The following NF1 variants were observed in gnomAD, a reference collection of about 807,000 sequenced individuals.
NF1 encodes neurofibromin 1.
NF1 carries 122 observed loss-of-function variants against 325.7 expected under a neutral mutation model. The observed-to-expected ratio is 0.37, with a 90% CI of 0.32 to 0.44. The LOEUF (loss-of-function observed/expected upper bound fraction) is 0.44. Ranked by LOEUF, NF1 falls within the 20% of genes least tolerant of loss-of-function variation. The probability of loss-of-function intolerance (pLI) is 1.00; values close to 1 mark genes in which losing one functional copy is unlikely to be tolerated. For synonymous variants in NF1, 1,091 were observed against 1,186.0 expected (o/e 0.92, Z 1.65); for missense variants, 2,140 against 3,415.4 (o/e 0.63, Z 9.31).
chr17:31,265,382 A>C (rs2151470499), intron 36 of NF1, 43 bp downstream of exon 36: 1 of 1,384,076 alleles, frequency 7.2e-7, no homozygotes, highest in Admixed American at 1.7e-5. Flanking sequence ...GAATTTTTTA[A>C]ATTATAGCAA....
At chr17:31,175,560 G>T (rs1405485162) in intron 5 of NF1, among the ~76,000 whole-genome samples, 2 of 152,098 alleles carry the variant, frequency 1.3e-5, no homozygotes, top group African/African-American at 2.4e-5. Context: ...AAGTTCTGGG[G>T]TACATGTGTA....
intron 36 of NF1, among the ~76,000 whole-genome samples, chr17:31,279,470 C>T (rs908892949): frequency 3.3e-5 from 5 of 151,614 alleles, no homozygotes; most frequent in African/African-American, 7.3e-5. Flanking sequence ...GGCTTTTTAG[C>T]GTAGACAGTT....
intron 1 of NF1, among the ~76,000 whole-genome samples, chr17:31,109,224 A>G (rs1267964058): frequency 6.6e-6 from 1 of 152,154 alleles, no homozygotes; most frequent in Admixed American, 6.5e-5. Flanking sequence ...TTCACTGACC[A>G]CATTTCTCTT....
intron 13 of NF1, among the ~76,000 whole-genome samples, chr17:31,217,519 A>G (rs2066840362): frequency 6.6e-6 from 1 of 151,562 alleles, no homozygotes; most frequent in Non-Finnish European, 1.5e-5. Context: ...TGGCCAGGCT[A>G]GTCTCGAACT....
At chr17:31,134,518 C>T (rs1187663845) in intron 1 of NF1, among the ~76,000 whole-genome samples, 1 of 152,184 alleles carries the variant, frequency 6.6e-6, no homozygotes, top group Non-Finnish European at 1.5e-5. Context: ...TTTTGTACAA[C>T]AAACATTTAT....
chr17:31,269,285 T>G (rs1246869408), intron 36 of NF1, among the ~76,000 whole-genome samples: 1 of 152,188 alleles, frequency 6.6e-6, no homozygotes, highest in East Asian at 1.9e-4. Context: ...AATTTTGGCC[T>G]AATGTACTTT....
intron 57 of NF1, chr17:31,367,356 T>G: frequency 2.1e-6 from 2 of 944,054 alleles, no homozygotes; most frequent in Admixed American, 2.4e-5. Flanking sequence ...CATGAGACTT[T>G]ACTCACCGGT....
intron 39 of NF1, among the ~76,000 whole-genome samples, chr17:31,332,411 C>T (rs1357035392): frequency 6.6e-6 from 1 of 151,884 alleles, no homozygotes; most frequent in Non-Finnish European, 1.5e-5. Context: ...TTGCAGTGAG[C>T]CGAGATCACT....
intron 29 of NF1, among the ~76,000 whole-genome samples, 169 bp from the exon 30 acceptor site, chr17:31,248,815 G>A (rs1352893393): frequency 1.3e-5 from 2 of 151,968 alleles, no homozygotes; most frequent in African/African-American, 2.4e-5. Context: ...AAGCCATCCA[G>A]CCCTGTCAAA....
At chr17:31,216,227 G>A (rs1471553105) in intron 13 of NF1, among the ~76,000 whole-genome samples, 5 of 152,164 alleles carry the variant, frequency 3.3e-5, no homozygotes, top group African/African-American at 1.2e-4. Context: ...CACATTCAAA[G>A]CAGGCACCAA....
At chr17:31,250,201 C>A in intron 30 of NF1, 1 of 319,504 alleles carries the variant, frequency 3.1e-6, no homozygotes, top group Non-Finnish European at 6.1e-6. Flanking sequence ...TACAAAAAGG[C>A]TCAAGGAAAC....
chr17:31,232,241 A>C (rs1038651939), intron 25 of NF1, 52 bp downstream of exon 25: 4 of 1,099,896 alleles, frequency 3.6e-6, no homozygotes, highest in Non-Finnish European at 5.6e-6. Flanking sequence ...AAAGCCCCCC[A>C]CCACACAAAA....
intron 36 of NF1, among the ~76,000 whole-genome samples, chr17:31,310,830 G>A (rs7221162): frequency 0.016 from 2,456 of 151,758 alleles, 81 homozygotes; most frequent in African/African-American, 0.056. Flanking sequence ...CTGTGATTTT[G>A]GTTCTTTTTC....
chr17:31,237,415 C>T (rs1220790438), intron 29 of NF1, among the ~76,000 whole-genome samples: 1 of 152,110 alleles, frequency 6.6e-6, no homozygotes, highest in African/African-American at 2.4e-5. Context: ...GCTGGGATTA[C>T]AGGCATGCAC....
rs2143786253 is a variant in NF1 at position 31,182,609 on chromosome 17, C to G, written c.832C>G (p.Pro278Ala). 6.2e-7 allele frequency: 1 copy of G among 1,613,810 alleles called. No homozygotes were observed. The highest frequency in any genetic ancestry group is 8.5e-7 in the Non-Finnish European group (1 of 1,179,874). The change falls in exon 8 of 58, where the codon CCA (proline) becomes GCA (alanine). Residue 278 changes from proline to alanine, a missense_variant. Pro to Ala is a conservative substitution (Grantham distance 27). Coordinates refer to ENST00000358273, the MANE Select transcript of NF1 (RefSeq NM_001042492.3). ...PLQIILLILC[P>A]EIIQDISKDV... ...ACAAATCATTCTCCTTATCTTGTGT[C>G]CAGAAATAATCCAGGATATATCCAA...
intron 36 of NF1, among the ~76,000 whole-genome samples, chr17:31,302,688 T>A (rs1240435556): frequency 1.3e-5 from 2 of 150,548 alleles, no homozygotes; most frequent in Non-Finnish European, 1.5e-5. Context: ...AAAAAAAAAA[T>A]ACCAAAATTA....
rs17880169 is a variant in NF1 at position 31,226,864 on chromosome 17, G to A, written c.2251+180G>A. ...AAAAAGCATTTGAAATAAATTGTTAGTCTTCCACTGAGTTGTTAATATGCT... is the reference window on the plus strand; with the variant it reads ...AAAAAGCATTTGAAATAAATTGTTAATCTTCCACTGAGTTGTTAATATGCT... On this transcript the variant is annotated intron_variant, in intron 18 of 57. Coordinates refer to ENST00000358273, the MANE Select transcript of NF1 (RefSeq NM_001042492.3). 8.4e-3 allele frequency among the ~76,000 whole-genome samples: 1,277 copies of A among 152,288 alleles called. 25 individuals carry two copies. The highest frequency in any genetic ancestry group is 0.029 in the African/African-American group (1,218 of 41,550).
intron 1 of NF1, among the ~76,000 whole-genome samples, chr17:31,149,852 C>A (rs1366711613): frequency 6.6e-6 from 1 of 152,162 alleles, no homozygotes; most frequent in Non-Finnish European, 1.5e-5. Flanking sequence ...GTTTGTCTTA[C>A]AAAGCCCTGT....
At chr17:31,156,206 A>G (rs1484803487) in intron 2 of NF1, 80 bp downstream of exon 2, 1 of 1,499,772 alleles carries the variant, frequency 6.7e-7, no homozygotes, top group Non-Finnish European at 9.3e-7. Context: ...GCATATTTTG[A>G]AGTATGGAAA....
Sources: gnomAD v4.1 joint callset for allele counts (sites outside exome capture counted in the v4.1 genomes callset) on GRCh38, gnomAD v4.1.1 for gene constraint, MANE v1.5 for transcripts, NCBI Gene and HGNC (gene_info 2026-07-23, HGNC 2026-07-21) for gene names.